The following DLG2 variants were observed in gnomAD, a reference collection of about 807,000 sequenced individuals.
DLG2 encodes disks large homolog 2.
A neutral mutation model predicts 132.5 loss-of-function variants in DLG2; 45 were observed. The ratio of observed to expected loss-of-function variants is 0.34; its 90% CI spans 0.27 to 0.44. The LOEUF is 0.44. DLG2 is among the 20% of genes least tolerant of loss of function. The pLI is 1.00. For missense variants in DLG2, 1,045 were observed against 1,196.9 expected (o/e 0.87, Z 1.87); for synonymous variants, 424 against 419.6 (o/e 1.01, Z -0.13).
intron 6 of DLG2, among the ~76,000 whole-genome samples, chr11:85,057,347 G>A (rs1313235134): frequency 6.6e-6 from 1 of 151,454 alleles, no homozygotes; most frequent in African/African-American, 2.4e-5. Flanking sequence ...AATATTAGGA[G>A]TAAAAAATAA....
intron 18 of DLG2, among the ~76,000 whole-genome samples, chr11:83,712,395 G>A (rs1215096921): frequency 6.6e-6 from 1 of 152,156 alleles, no homozygotes; most frequent in Non-Finnish European, 1.5e-5. Flanking sequence ...TTGGGAGGCT[G>A]AGGCGGGTGG....
chr11:85,159,475 G>A lies in DLG2; in HGVS notation c.187-4824C>T, dbSNP rs1281457851. Among the ~76,000 whole-genome samples, 9 of 152,318 alleles carry A rather than the reference G, an allele frequency of 5.9e-5. No individual in the cohort carries two copies. In the East Asian group the frequency reaches 1.7e-3, roughly 29 times the overall value. On this transcript the variant is annotated intron_variant, in intron 4 of 27. Coordinates refer to ENST00000376104, the MANE Select transcript of DLG2 (RefSeq NM_001142699.3). ...AATATTGCATCCCTGGAGGGATTGT[G>A]GAGATTAGTGCCAACACCAAGGACT...
intron 21 of DLG2, among the ~76,000 whole-genome samples, chr11:83,514,004 C>T (rs1460206619): frequency 4.6e-5 from 7 of 152,092 alleles, no homozygotes; most frequent in African/African-American, 1.4e-4. Flanking sequence ...ATTGACTTGG[C>T]AATGCGGGCT....
chr11:84,383,614 G>C (rs1374186992), intron 7 of DLG2, among the ~76,000 whole-genome samples: 1 of 152,012 alleles, frequency 6.6e-6, no homozygotes, highest in African/African-American at 2.4e-5. Flanking sequence ...TGCATGGCAG[G>C]GTACTGTGGG....
At chr11:85,449,066 C>A (rs1389120879) in intron 3 of DLG2, among the ~76,000 whole-genome samples, 1 of 152,028 alleles carries the variant, frequency 6.6e-6, no homozygotes, top group African/African-American at 2.4e-5. Context: ...CTATTATTTC[C>A]TTTTTTCCAT....
chr11:85,424,659 C>T (rs1024685510), intron 3 of DLG2, among the ~76,000 whole-genome samples: 10 of 152,140 alleles, frequency 6.6e-5, no homozygotes, highest in African/African-American at 2.4e-4. Flanking sequence ...TAGTGAAGCA[C>T]TAGGTATTAT....
At chr11:85,471,478 G>A (rs895143689) in intron 3 of DLG2, among the ~76,000 whole-genome samples, 2 of 152,036 alleles carry the variant, frequency 1.3e-5, no homozygotes, top group Non-Finnish European at 2.9e-5. Context: ...AAGATAAAAG[G>A]AGGCACAAAA....
chr11:84,261,473 T>A (rs781773849), intron 7 of DLG2, among the ~76,000 whole-genome samples: 7 of 152,210 alleles, frequency 4.6e-5, no homozygotes, highest in Non-Finnish European at 1.0e-4. Context: ...AATCTATACA[T>A]CCTATTCCCC....
At chr11:84,776,881 C>A (rs1210099577) in intron 6 of DLG2, among the ~76,000 whole-genome samples, 2 of 151,968 alleles carry the variant, frequency 1.3e-5, no homozygotes, top group Admixed American at 6.6e-5. Context: ...ATATATTGTG[C>A]AAAGATATAT....
At chr11:85,477,588 G>C (rs1336432267) in intron 3 of DLG2, among the ~76,000 whole-genome samples, 1 of 152,132 alleles carries the variant, frequency 6.6e-6, no homozygotes, top group Non-Finnish European at 1.5e-5. Context: ...TGAGTTACTT[G>C]TGTTAAATTG....
chr11:83,786,822 T>C (rs769599390), intron 17 of DLG2, 30 bp from the exon 18 acceptor site: 1 of 1,601,944 alleles, frequency 6.2e-7, no homozygotes, highest in Admixed American at 1.7e-5. Flanking sequence ...AGAATCTTGG[T>C]ATTTCATAAG....
intron 4 of DLG2, among the ~76,000 whole-genome samples, chr11:85,175,692 A>G (rs962803925): frequency 5.9e-5 from 9 of 152,190 alleles, no homozygotes; most frequent in African/African-American, 2.2e-4. Context: ...TGCAGATGAC[A>G]TAATTCTATA....
chr11:85,084,280 G>C (rs1412220174), intron 6 of DLG2, among the ~76,000 whole-genome samples: 1 of 152,134 alleles, frequency 6.6e-6, no homozygotes, highest in Non-Finnish European at 1.5e-5. Flanking sequence ...CCTAGCACAC[G>C]AGGTATGGGA....
chr11:83,849,884 G>T (rs1227309739), intron 16 of DLG2, among the ~76,000 whole-genome samples: 1 of 151,802 alleles, frequency 6.6e-6, no homozygotes, highest in Non-Finnish European at 1.5e-5. Flanking sequence ...CGGCCTTCGT[G>T]TCTCCAGTAC....
chr11:84,236,935 G>GTT lies in DLG2; in HGVS notation c.573+14301_573+14302dup, dbSNP rs59927214. Among the ~76,000 whole-genome samples the GTT allele has an allele frequency of 5.5e-3, 754 of 136,854 alleles. 6 individuals carry two copies. The highest frequency in any genetic ancestry group is 0.017 in the African/African-American group (645 of 36,942). 89.8% of individuals were successfully genotyped at this position (136,854 alleles called of 152,430 possible). A position where few individuals can be genotyped will look rare whatever the true frequency, so the allele number is the denominator to read the frequency against. ...GAAGCATCAGTATGTTTTTTTTTTT[G>GTT]TTTTTTTTTTTGAGATGGAGTCTCA... On this transcript the variant is annotated intron_variant, in intron 8 of 27. Coordinates refer to ENST00000376104, the MANE Select transcript of DLG2 (RefSeq NM_001142699.3).
At chr11:84,903,754 T>C (rs1406264010) in intron 6 of DLG2, among the ~76,000 whole-genome samples, 1 of 152,090 alleles carries the variant, frequency 6.6e-6, no homozygotes, top group African/African-American at 2.4e-5. Context: ...TTTTAGAGAG[T>C]ATTAAAAGTA....
At chr11:85,195,291 T>TTA (rs2080945007) in intron 4 of DLG2, among the ~76,000 whole-genome samples, 1 of 152,050 alleles carries the variant, frequency 6.6e-6, no homozygotes, top group African/African-American at 2.4e-5. Context: ...AAGATGTTAA[T>TTA]GGTGACTATA....
chr11:85,156,254 T>C (rs975277328), intron 4 of DLG2, among the ~76,000 whole-genome samples: 24 of 151,490 alleles, frequency 1.6e-4, no homozygotes, highest in African/African-American at 5.6e-4. Flanking sequence ...TGTATATATA[T>C]GTGTGTGTGT....
At chr11:84,700,557 A>C (rs1167185802) in intron 6 of DLG2, among the ~76,000 whole-genome samples, 1 of 151,680 alleles carries the variant, frequency 6.6e-6, no homozygotes, top group Non-Finnish European at 1.5e-5. Context: ...AACATCAAGA[A>C]TGGCATTGTA....
Sources: gnomAD v4.1 joint callset for allele counts (sites outside exome capture counted in the v4.1 genomes callset) on GRCh38, gnomAD v4.1.1 for gene constraint, MANE v1.5 for transcripts, NCBI Gene and HGNC (gene_info 2026-07-23, HGNC 2026-07-21) for gene names.